Variants in PCDH15 observed in about 807,000 individuals in gnomAD.
PCDH15 encodes protocadherin related 15, also known as protocadherin-15.
A neutral mutation model predicts 178.5 loss-of-function variants in PCDH15; 129 were observed. The observed-to-expected ratio is 0.72, with a 90% confidence interval of 0.63 to 0.84. The LOEUF (loss-of-function observed/expected upper bound fraction) is 0.84, where lower values mean the gene tolerates loss of function less well. Among genes scored for constraint, PCDH15 ranks in the 40% least tolerant of loss-of-function variants. PCDH15 has a pLI of 0.00. For missense variants in PCDH15, 2,230 were observed against 2,099.9 expected (o/e 1.06, Z -1.21); for synonymous variants, 800 against 732.0 (o/e 1.09, Z -1.50).
Position 54,079,432 on chromosome 10 carries a change from C to T in PCDH15, c.1998-8G>A. ...AAGGTTAGAATCCCCGTGCTAGTGACAAAACAAACAAACAAATAAGACAAA... is the reference window on the plus strand; with the variant it reads ...AAGGTTAGAATCCCCGTGCTAGTGATAAAACAAACAAACAAATAAGACAAA... On this transcript the variant is annotated splice_polypyrimidine_tract_variant and splice_region_variant and intron_variant, in intron 16 of 37. Coordinates refer to ENST00000644397, the MANE Select transcript of PCDH15 (RefSeq NM_001384140.1). 1 of 1,607,662 alleles carries T rather than the reference C, an allele frequency of 6.2e-7. No individual in the cohort carries two copies. The highest frequency in any genetic ancestry group is 8.5e-7 in the Non-Finnish European group (1 of 1,174,194).
chr10:54,440,736 T>C (rs991559791), intron 3 of PCDH15, among the ~76,000 whole-genome samples: 1 of 151,966 alleles, frequency 6.6e-6, no homozygotes, highest in African/African-American at 2.4e-5. Flanking sequence ...ACCTATTTAT[T>C]ACACAATACA....
chr10:54,974,084 GAC>G (rs1191320583), intron 2 of PCDH15, among the ~76,000 whole-genome samples: 21 of 129,284 alleles, frequency 1.6e-4, no homozygotes, highest in African/African-American at 4.8e-4. Flanking sequence ...CACACACACA[GAC>G]ACACACACAC....
chr10:55,063,974 C>A (rs1391904047), intron 2 of PCDH15, among the ~76,000 whole-genome samples: 1 of 152,024 alleles, frequency 6.6e-6, no homozygotes, highest in Non-Finnish European at 1.5e-5. Flanking sequence ...TTGTTTCATG[C>A]CTTTAGATGA....
chr10:54,202,044 G>C (rs115907291), intron 10 of PCDH15, among the ~76,000 whole-genome samples: 1,574 of 152,108 alleles, frequency 0.01, 34 homozygotes, highest in African/African-American at 0.036. Flanking sequence ...ATGCAAAAAG[G>C]CCTATTTATA....
intron 20 of PCDH15, among the ~76,000 whole-genome samples, chr10:54,010,253 G>A (rs1565000504): frequency 2.8e-5 from 2 of 70,800 alleles, no homozygotes; most frequent in South Asian, 4.1e-4. Context: ...ACAGAAAAGC[G>A]GGTAGGCTGT....
At chr10:55,250,868 T>C (rs961405122) in intron 1 of PCDH15, among the ~76,000 whole-genome samples, 1 of 152,118 alleles carries the variant, frequency 6.6e-6, no homozygotes, top group African/African-American at 2.4e-5. Flanking sequence ...CCACTATATG[T>C]TCTTTTTGCT....
At chr10:55,243,222 T>A (rs758377948) in intron 1 of PCDH15, among the ~76,000 whole-genome samples, 1 of 152,194 alleles carries the variant, frequency 6.6e-6, no homozygotes, top group East Asian at 1.9e-4. Context: ...TCCATTGAAC[T>A]CTGCACAGCT....
intron 26 of PCDH15, among the ~76,000 whole-genome samples, chr10:53,884,193 G>A (rs1056267891): frequency 1.3e-5 from 2 of 152,140 alleles, no homozygotes; most frequent in East Asian, 1.9e-4. Context: ...CAACTACTGG[G>A]GCGATTAAAT....
At chr10:54,562,552 A>T (rs984171841) in intron 2 of PCDH15, among the ~76,000 whole-genome samples, 4 of 152,192 alleles carry the variant, frequency 2.6e-5, no homozygotes, top group African/African-American at 9.6e-5. Flanking sequence ...TATGAAATTA[A>T]CTAGGAAAGT....
chr10:54,444,426 A>G (rs769554591), intron 3 of PCDH15, among the ~76,000 whole-genome samples: 5 of 151,764 alleles, frequency 3.3e-5, no homozygotes, highest in Non-Finnish European at 7.4e-5. Flanking sequence ...GGAGTAGCCA[A>G]ATAAAGAGTT....
chr10:53,832,022 AGATTTCAGAC>A (rs2077043613), intron 29 of PCDH15, among the ~76,000 whole-genome samples: 297 of 152,130 alleles, frequency 2.0e-3, no homozygotes, highest in African/African-American at 6.8e-3. Flanking sequence ...CACCAAACTA[AGATTTCAGAC>A]TCAAACTCTG....
chr10:54,403,017 G>C (rs556481530), intron 3 of PCDH15, among the ~76,000 whole-genome samples: 3 of 151,980 alleles, frequency 2.0e-5, no homozygotes, highest in Non-Finnish European at 4.4e-5. Flanking sequence ...CCAACAGTTA[G>C]CCAAGCTATG....
intron 2 of PCDH15, among the ~76,000 whole-genome samples, chr10:54,660,317 T>C (rs1211620810): frequency 6.6e-6 from 1 of 152,004 alleles, no homozygotes; most frequent in Non-Finnish European, 1.5e-5. Flanking sequence ...CAGAGAGTAA[T>C]CATGGTAGAC....
chr10:55,345,369 A>G (rs1844724275), intron 2 of PCDH15, among the ~76,000 whole-genome samples: 1 of 152,002 alleles, frequency 6.6e-6, no homozygotes, highest in Non-Finnish European at 1.5e-5. Context: ...AGGATGCTAT[A>G]TATCACCTCA....
At chr10:54,418,987 C>A (rs1222359627) in intron 3 of PCDH15, among the ~76,000 whole-genome samples, 3 of 151,660 alleles carry the variant, frequency 2.0e-5, no homozygotes, top group Admixed American at 1.3e-4. Context: ...CACATAAAAA[C>A]CAATATTAAA....
intron 25 of PCDH15, among the ~76,000 whole-genome samples, chr10:53,912,513 T>C (rs1045317280): frequency 9.8e-5 from 15 of 152,324 alleles, no homozygotes; most frequent in Admixed American, 3.9e-4. Flanking sequence ...TGTCCCTGTT[T>C]GCAGATGACA....
chr10:54,096,446 A>C (rs752477603), intron 15 of PCDH15, among the ~76,000 whole-genome samples: 1 of 151,896 alleles, frequency 6.6e-6, no homozygotes, highest in Non-Finnish European at 1.5e-5. Context: ...TTTTTTGCTC[A>C]TTGTCAGTCT....
At chr10:55,596,627 T>C (rs576265118) in intron 2 of PCDH15, among the ~76,000 whole-genome samples, 2 of 152,280 alleles carry the variant, frequency 1.3e-5, no homozygotes, top group South Asian at 4.1e-4. Flanking sequence ...GGCATGATTA[T>C]ATGTGGGATT....
chr10:54,457,689 A>T (rs542597136), intron 3 of PCDH15, among the ~76,000 whole-genome samples: 2 of 152,272 alleles, frequency 1.3e-5, no homozygotes, highest in African/African-American at 4.8e-5. Flanking sequence ...GCTAAACAAT[A>T]TTTTTTAAAA....
Sources: gnomAD v4.1 joint callset for allele counts (sites outside exome capture counted in the v4.1 genomes callset) on GRCh38, gnomAD v4.1.1 for gene constraint, MANE v1.5 for transcripts, NCBI Gene and HGNC (gene_info 2026-07-23, HGNC 2026-07-21) for gene names.